SCN1A: variants seen among roughly 807,000 people sequenced by gnomAD.
SCN1A encodes sodium voltage-gated channel alpha subunit 1.
In SCN1A, 13 loss-of-function variants were observed where a neutral mutation model predicts 193.7. That is an observed-to-expected ratio of 0.07 (90% CI 0.04 to 0.11). The LOEUF (loss-of-function observed/expected upper bound fraction) is 0.11. Ranked by LOEUF, SCN1A falls within the 10% of genes least tolerant of loss-of-function variation. SCN1A has a pLI of 1.00. For synonymous variants in SCN1A, 781 were observed against 843.6 expected (o/e 0.93, Z 1.29); for missense variants, 1,432 against 2,451.1 (o/e 0.58, Z 8.78).
chr2:166,131,322 G>A (rs1052607477), upstream of SCN1A, among the ~76,000 whole-genome samples: 2 of 151,818 alleles, frequency 1.3e-5, no homozygotes, highest in Admixed American at 1.3e-4. Flanking sequence ...TTTTTTATGA[G>A]AGTTCCTAAC....
chr2:166,117,945 A>G (rs1038816325), intron 2 of SCN1A, among the ~76,000 whole-genome samples: 1 of 148,068 alleles, frequency 6.8e-6, no homozygotes, highest in Non-Finnish European at 1.5e-5. Flanking sequence ...CCTGGGCAAT[A>G]GAGTGAGACT....
At chr2:166,131,582 T>C (rs1691664081), upstream of SCN1A, among the ~76,000 whole-genome samples, 2 of 152,184 alleles carry the variant, frequency 1.3e-5, 1 homozygote, top group South Asian at 4.1e-4. Context: ...TGTCTGTTAG[T>C]TTTACGACAT....
chr2:166,118,135 GA>G (rs894821995), intron 2 of SCN1A, among the ~76,000 whole-genome samples: 21 of 137,968 alleles, frequency 1.5e-4, no homozygotes, highest in East Asian at 4.2e-4. Context: ...GCCTAGGAAT[GA>G]AAAAAAAAAG....
intron 4 of SCN1A, among the ~76,000 whole-genome samples, chr2:166,065,465 T>G (rs1683740939): frequency 6.6e-6 from 1 of 152,168 alleles, no homozygotes; most frequent in African/African-American, 2.4e-5. Flanking sequence ...TTAAATGGTC[T>G]CACCTACTTC....
intron 2 of SCN1A, among the ~76,000 whole-genome samples, chr2:166,091,208 A>G (rs776256965): frequency 2.0e-5 from 3 of 152,322 alleles, no homozygotes. Flanking sequence ...TTTCCGGAGC[A>G]GCACTGCTTG....
At chr2:166,133,479 A>C (rs547363200) in intron 1 of SCN1A, among the ~76,000 whole-genome samples, 1 of 152,228 alleles carries the variant, frequency 6.6e-6, no homozygotes. Flanking sequence ...TGATGAGATT[A>C]GCATTACAAT....
chr2:166,071,057 C>T (rs1684368852), intron 4 of SCN1A, among the ~76,000 whole-genome samples: 3 of 152,120 alleles, frequency 2.0e-5, no homozygotes, highest in Admixed American at 2.0e-4. Context: ...CAAGAGCAGC[C>T]TCTGAATAAA....
intron 10 of SCN1A, 66 bp from the exon 11 acceptor site, chr2:166,047,834 A>ATAATAT: frequency 2.5e-6 from 4 of 1,597,490 alleles, no homozygotes; most frequent in Non-Finnish European, 2.6e-6. Context: ...ATACTATGCT[A>ATAATAT]TGATATTGCC....
chr2:166,072,247 G>A (rs920187051), intron 4 of SCN1A, among the ~76,000 whole-genome samples: 53 of 144,012 alleles, frequency 3.7e-4, no homozygotes, highest in African/African-American at 1.5e-3. Context: ...AAGTGATAAA[G>A]AAGAAAATGT....
chr2:166,062,706 G>A (rs1285089671), intron 4 of SCN1A, among the ~76,000 whole-genome samples: 1 of 152,088 alleles, frequency 6.6e-6, no homozygotes, highest in Non-Finnish European at 1.5e-5. Flanking sequence ...AGATATTGCT[G>A]TACCTTAAAC....
chr2:166,035,866 A>G (rs1377563827), intron 19 of SCN1A, among the ~76,000 whole-genome samples, 182 bp downstream of exon 19: 1 of 152,180 alleles, frequency 6.6e-6, no homozygotes, highest in Non-Finnish European at 1.5e-5. Flanking sequence ...AGCCTGGGAA[A>G]AGATCAAAAT....
chr2:166,143,782 G>A (rs2155870), intron 1 of SCN1A, among the ~76,000 whole-genome samples: 122,900 of 152,138 alleles, frequency 0.81, 50,239 homozygotes, highest in African/African-American at 0.94. Context: ...TTATGTGGAG[G>A]TTTCTCAAAA....
At chr2:166,091,254 T>TC (rs1258877575) in intron 2 of SCN1A, among the ~76,000 whole-genome samples, 1 of 152,228 alleles carries the variant, frequency 6.6e-6, no homozygotes, top group African/African-American at 2.4e-5. Context: ...TTCCTTTTTT[T>TC]CCTTTCTTTT....
chr2:166,066,535 C>T (rs865782607), intron 4 of SCN1A, among the ~76,000 whole-genome samples: 10 of 152,184 alleles, frequency 6.6e-5, no homozygotes, highest in South Asian at 2.1e-4. Context: ...ATTTAAAATG[C>T]GTCTCTGTAT....
chr2:166,004,471 CT>C (rs1303812567), intron 23 of SCN1A, among the ~76,000 whole-genome samples: 4 of 151,350 alleles, frequency 2.6e-5, no homozygotes, highest in African/African-American at 9.7e-5. Flanking sequence ...CTTTTCCATT[CT>C]CACAGTCACC....
chr2:166,061,165 C>A (rs1016928896), intron 4 of SCN1A, among the ~76,000 whole-genome samples: 19 of 152,084 alleles, frequency 1.2e-4, no homozygotes, highest in Admixed American at 7.2e-4. Flanking sequence ...AAGAGAACAC[C>A]TGTGATGCTG....
chr2:166,140,833 C>T (rs7562420), intron 1 of SCN1A, among the ~76,000 whole-genome samples: 122,312 of 151,622 alleles, frequency 0.81, 49,922 homozygotes, highest in African/African-American at 0.94. Flanking sequence ...AGACACGGAC[C>T]GCGCAAAACC....
At chr2:166,115,281 C>T (rs1483319232) in intron 2 of SCN1A, among the ~76,000 whole-genome samples, 1 of 152,140 alleles carries the variant, frequency 6.6e-6, no homozygotes, top group African/African-American at 2.4e-5. Flanking sequence ...ATTGCTTGAA[C>T]CCAGGAAGTG....
intron 2 of SCN1A, among the ~76,000 whole-genome samples, chr2:166,079,924 C>T (rs1457028129): frequency 6.6e-6 from 1 of 150,962 alleles, no homozygotes; most frequent in Non-Finnish European, 1.5e-5. Flanking sequence ...TATTCAAATG[C>T]TACCTAAAAA....
Sources: allele counts gnomAD v4.1 joint callset (sites outside exome capture counted in the v4.1 genomes callset), GRCh38; gene constraint gnomAD v4.1.1; transcripts MANE v1.5; gene names NCBI Gene and HGNC (gene_info 2026-07-23, HGNC 2026-07-21).